The following SLC30A6 variants were observed in gnomAD, a reference collection of about 807,000 sequenced individuals.
SLC30A6 encodes zinc transporter 6.
A neutral mutation model predicts 63.0 loss-of-function variants in SLC30A6; 55 were observed. That is an observed-to-expected ratio of 0.87 (90% CI 0.70 to 1.09). The LOEUF is 1.09. Among genes scored for constraint, SLC30A6 ranks in the 50% least tolerant of loss-of-function variants. SLC30A6 has a pLI of 0.00. For synonymous variants in SLC30A6, 224 were observed against 186.1 expected (o/e 1.20, Z -1.66); for missense variants, 587 against 549.2 (o/e 1.07, Z -0.69).
At chr2:32,189,035 A>T (rs974261361) in intron 5 of SLC30A6, among the ~76,000 whole-genome samples, 3 of 152,194 alleles carry the variant, frequency 2.0e-5, no homozygotes, top group African/African-American at 7.2e-5. Flanking sequence ...GATGACTTTC[A>T]CTTTTTAGCT....
intron 7 of SLC30A6, 93 bp downstream of exon 7, chr2:32,193,046 T>A: frequency 1.3e-6 from 1 of 794,998 alleles, no homozygotes; most frequent in Non-Finnish European, 2.0e-6. Flanking sequence ...GATTTCAGAC[T>A]GTGGCAACAT....
At chr2:32,171,044 T>C (rs1681156239) in intron 1 of SLC30A6, among the ~76,000 whole-genome samples, 1 of 152,222 alleles carries the variant, frequency 6.6e-6, no homozygotes, top group East Asian at 1.9e-4. Flanking sequence ...TTTGAATTTC[T>C]GCTCAGCCAT....
chr2:32,187,210 G>T, intron 5 of SLC30A6: 1 of 470,964 alleles, frequency 2.1e-6, no homozygotes, highest in Non-Finnish European at 4.4e-6. Flanking sequence ...CCACCAATCC[G>T]AAATGATGCT....
At chr2:32,207,928 G>T (rs184650692) in intron 12 of SLC30A6, among the ~76,000 whole-genome samples, 80 of 151,694 alleles carry the variant, frequency 5.3e-4, no homozygotes, top group African/African-American at 1.8e-3. Flanking sequence ...TTGAACTCCT[G>T]ACCTCGTGAT....
chr2:32,200,839 AAATAAT>A (rs70938331), intron 10 of SLC30A6, among the ~76,000 whole-genome samples: 1 of 151,144 alleles, frequency 6.6e-6, no homozygotes, highest in African/African-American at 2.4e-5. Flanking sequence ...ATAAAGAAAA[AAATAAT>A]AATAATAATA....
At chr2:32,169,168 T>C (rs908045743) in intron 1 of SLC30A6, among the ~76,000 whole-genome samples, 7 of 152,158 alleles carry the variant, frequency 4.6e-5, no homozygotes, top group African/African-American at 1.4e-4. Context: ...TATGTACATT[T>C]ATTTATGTAT....
rs915708921 is a variant in SLC30A6, at chr2:32,206,889, A to G, written c.772A>G (p.Thr258Ala). 11 of 1,611,774 alleles carry G rather than the reference A, an allele frequency of 6.8e-6. No individual in the cohort carries two copies. Among genetic ancestry groups the G allele is most frequent in the South Asian group, 1.1e-5 (1 of 91,014 alleles). ...ATTTTATTGTATTTTTCCCCAGACA[A>G]CACCACCCCATGTTATTGGTCAGTT... is the stretch of plus-strand genomic sequence containing the variant. ...VYSGKVLLQTTPPHVIGQLDK... is the reference protein window; with the variant it reads ...VYSGKVLLQTAPPHVIGQLDK... Residue 258 changes from threonine (T) to alanine (A), a missense_variant, in exon 12 of 14, where the codon ACA (threonine) becomes GCA (alanine). By Grantham distance (58) the Thr-to-Ala change is moderately conservative (BLOSUM62 0). Transcript: ENST00000282587.
Position 32,216,676 on chromosome 2 carries a change from T to A in SLC30A6, c.886-3537T>A, listed in dbSNP as rs1337142304. 2.0e-5 allele frequency among the ~76,000 whole-genome samples: 3 copies of A among 152,170 alleles called. No individual in the cohort carries two copies. In the East Asian group the frequency reaches 5.8e-4, roughly 29 times the overall value. On this transcript the variant is annotated intron_variant, in intron 13 of 13. Transcript: ENST00000282587. The stretch of plus-strand genomic sequence containing the variant: ...CTCTGCTGATTAGTGATGATGAGCA[T>A]TTTTTTCATGCTTCTTGGCCACTTG...
chr2:32,194,877 CACTT>C (rs1221757861), intron 8 of SLC30A6, among the ~76,000 whole-genome samples: 1 of 152,016 alleles, frequency 6.6e-6, no homozygotes, highest in African/African-American at 2.4e-5. Flanking sequence ...AATACTATAA[CACTT>C]ACTCTAGAAA....
intron 10 of SLC30A6, chr2:32,202,987 G>A: frequency 8.7e-7 from 1 of 1,147,182 alleles, no homozygotes; most frequent in Non-Finnish European, 1.3e-6. Flanking sequence ...ATTATTTTCT[G>A]TGAGACCCAG....
At chr2:32,166,053 A>G (rs1680617038) in intron 1 of SLC30A6, 150 bp downstream of exon 1, 2 of 1,151,976 alleles carry the variant, frequency 1.7e-6, no homozygotes, top group African/African-American at 1.5e-5. Flanking sequence ...CTGTCTCCCA[A>G]AATGTTCCCC....
At position 32,195,333 on chromosome 2, in the gene SLC30A6, C is replaced by G. The variant is rs1406780413; in HGVS notation, c.496+1350C>G. ...TGTCCACCTTGGCCTCCCAAAGTGC[C>G]GGGATTACAGGTGTGAGCCACTGCG... On this transcript the variant is annotated intron_variant, in intron 8 of 13. Transcript: ENST00000282587. 2.6e-5 allele frequency among the ~76,000 whole-genome samples: 4 copies of G among 151,922 alleles called. No individual in the cohort carries two copies. The East Asian group carries it at 7.7e-4, about 29-fold the overall frequency.
chr2:32,201,464 T>C (rs1247499873), intron 10 of SLC30A6: 5 of 425,044 alleles, frequency 1.2e-5, no homozygotes, highest in Non-Finnish European at 2.2e-5. Flanking sequence ...CATTAGTCTT[T>C]CTGTATCAAA....
intron 5 of SLC30A6, 72 bp from the exon 6 acceptor site, chr2:32,192,264 T>TAAA: frequency 7.2e-7 from 1 of 1,386,144 alleles, no homozygotes; most frequent in Admixed American, 1.7e-5. Flanking sequence ...TAAATGAATG[T>TAAA]AAATGTGTTC....
rs1350449119 is a variant in SLC30A6, at chr2:32,212,584, T to A, written c.885+3023T>A. ...TTTCTTCCTCTCTGCCATTTTTACC[T>A]TTTTTTTTTTTTTTTTTTTTTTTTT... On this transcript the variant is annotated intron_variant, in intron 13 of 13. Coordinates refer to ENST00000282587, the MANE Select transcript of SLC30A6 (RefSeq NM_017964.5). Among the ~76,000 whole-genome samples, 7 of 85,356 alleles carry A rather than the reference T, an allele frequency of 8.2e-5. No homozygotes were observed. In the East Asian group the frequency reaches 1.7e-3, roughly 21 times the overall value. 56.0% of individuals were successfully genotyped at this position (85,356 alleles called of 152,430 possible).
At chr2:32,184,246 A>T in intron 4 of SLC30A6, 27 bp from the exon 5 acceptor site, 1 of 1,348,714 alleles carries the variant, frequency 7.4e-7, no homozygotes, top group Non-Finnish European at 1.0e-6. Context: ...TAGTTCTAAT[A>T]CTAAATTTAT....
chr2:32,197,231 T>C, intron 8 of SLC30A6, 113 bp from the exon 9 acceptor site: 1 of 866,520 alleles, frequency 1.2e-6, no homozygotes. Flanking sequence ...TGTTCTTTTG[T>C]AATGTTATTC....
In SLC30A6 at chr2:32,216,804, G is replaced by C. The variant is rs549509439; in HGVS notation, c.886-3409G>C. ...AAGTTCTGTATAGATTCTGATATCA[G>C]ATCTTTGTCTGATGCATAGTTTGCA... is the stretch of plus-strand genomic sequence containing the variant. On this transcript the variant is annotated intron_variant, in intron 13 of 13. Transcript: ENST00000282587. Among the ~76,000 whole-genome samples, 3 of 151,850 alleles carry C rather than the reference G, an allele frequency of 2.0e-5. No individual in the cohort carries two copies. In the South Asian group the frequency reaches 6.3e-4, roughly 32 times the overall value.
Position 32,192,190 on chromosome 2 carries a change from C to T in SLC30A6, c.285-146C>T. ...CATTGTTTATTATTATTCTAGAAACCCTAATCTGCTCTAACAGTGTTGGGC... is the reference window on the plus strand; with the variant it reads ...CATTGTTTATTATTATTCTAGAAACTCTAATCTGCTCTAACAGTGTTGGGC... On this transcript the variant is annotated intron_variant, in intron 5 of 13. Coordinates refer to ENST00000282587, the MANE Select transcript of SLC30A6 (RefSeq NM_017964.5). 6.8e-6 allele frequency: 4 copies of T among 585,946 alleles called. No homozygotes were observed. In the Admixed American group the frequency reaches 9.4e-5, roughly 14 times the overall value. 36.3% of individuals were successfully genotyped at this position (585,946 alleles called of 1,614,324 possible). A position where few individuals can be genotyped will look rare whatever the true frequency, so the allele number is the denominator to read the frequency against.
Sources: allele counts gnomAD v4.1 joint callset (sites outside exome capture counted in the v4.1 genomes callset), GRCh38; gene constraint gnomAD v4.1.1; transcripts MANE v1.5; gene names NCBI Gene and HGNC (gene_info 2026-07-23, HGNC 2026-07-21).